Variants in STK33 observed in about 807,000 individuals in gnomAD.
STK33 encodes serine/threonine kinase 33.
Under a neutral mutation model 58.0 loss-of-function variants are expected in STK33, and 52 were observed. The observed-to-expected ratio is 0.90, with a 90% CI of 0.72 to 1.13. The LOEUF is 1.13. Among genes scored for constraint, STK33 ranks in the 50% most tolerant of loss-of-function variants. The pLI, the probability that STK33 is intolerant of heterozygous loss-of-function variation, is 0.00. For synonymous variants in STK33, 215 were observed against 200.1 expected, an observed-to-expected ratio of 1.07 and a Z score of -0.63; for missense variants, 630 against 604.2, an observed-to-expected ratio of 1.04 and a Z score of -0.45.
chr11:8,449,257 A>T (rs139267897), intron 11 of STK33, among the ~76,000 whole-genome samples: 9,390 of 151,538 alleles, frequency 0.062, 783 homozygotes, highest in African/African-American at 0.16. Flanking sequence ...TAGAAATACC[A>T]TTTGACCCAG....
At chr11:8,411,416 A>T (rs1940220419) in intron 15 of STK33, among the ~76,000 whole-genome samples, 1 of 152,226 alleles carries the variant, frequency 6.6e-6, no homozygotes. Flanking sequence ...GAACTAAGGG[A>T]CCATTATTTA....
intron 14 of STK33, among the ~76,000 whole-genome samples, chr11:8,426,145 A>G (rs915679439): frequency 6.6e-5 from 10 of 152,170 alleles, no homozygotes; most frequent in African/African-American, 2.4e-4. Flanking sequence ...AATGAGTCCA[A>G]GGTTTTATTG....
intron 1 of STK33, among the ~76,000 whole-genome samples, chr11:8,590,889 G>C (rs944777972): frequency 1.3e-5 from 2 of 152,080 alleles, no homozygotes; most frequent in Non-Finnish European, 2.9e-5. Flanking sequence ...TGCCAAAAAA[G>C]TCAGCAATTA....
At chr11:8,571,692 G>A (rs1957817542) in intron 1 of STK33, among the ~76,000 whole-genome samples, 1 of 151,784 alleles carries the variant, frequency 6.6e-6, no homozygotes, top group Non-Finnish European at 1.5e-5. Context: ...AATTAGCCAG[G>A]CGTGGTGGCG....
In STK33 at chr11:8,402,130, G is replaced by T. The variant is rs1158762063; in HGVS notation, c.1345-9420C>A. Reference sequence around the variant, plus strand: ...CCCATTACTTGGTATATACCCAAAGGATTATAAATCATGCTGCTATAAAGA... The same window carrying T: ...CCCATTACTTGGTATATACCCAAAGTATTATAAATCATGCTGCTATAAAGA... On this transcript the variant is annotated intron_variant, in intron 15 of 15. Transcript: ENST00000687296. Among the ~76,000 whole-genome samples, 9 of 152,260 alleles carry T rather than the reference G, an allele frequency of 5.9e-5. No individual in the cohort carries two copies. The East Asian group carries it at 1.7e-3, about 29-fold the overall frequency.
At chr11:8,495,815 G>A (rs747824964) in intron 1 of STK33, among the ~76,000 whole-genome samples, 3 of 152,082 alleles carry the variant, frequency 2.0e-5, no homozygotes, top group Non-Finnish European at 4.4e-5. Flanking sequence ...GGATGAAGCT[G>A]AAAACCATCA....
At chr11:8,426,577 C>T (rs956846321) in intron 14 of STK33, among the ~76,000 whole-genome samples, 4 of 152,208 alleles carry the variant, frequency 2.6e-5, no homozygotes, top group Non-Finnish European at 5.9e-5. Flanking sequence ...CGTGAGCCAC[C>T]ATGCCCAGCC....
Position 8,477,559 on chromosome 11 carries a change from C to T in STK33, c.-260-276G>A, listed in dbSNP as rs369630486. On this transcript the variant is annotated intron_variant, in intron 2 of 15. Transcript: ENST00000687296. Reference sequence around the variant, plus strand: ...TGCAGCTGAGTTCTTTCATGATAAACAGTACTCCTAAAAGCATACTTACCA... The same window carrying T: ...TGCAGCTGAGTTCTTTCATGATAAATAGTACTCCTAAAAGCATACTTACCA... Among the ~76,000 whole-genome samples, 17 of 152,228 alleles carry T rather than the reference C, an allele frequency of 1.1e-4. 1 individual carries two copies. The highest frequency in any genetic ancestry group is 3.9e-4 in the African/African-American group (16 of 41,546).
intron 14 of STK33, among the ~76,000 whole-genome samples, chr11:8,435,235 T>C (rs910934858): frequency 2.6e-5 from 4 of 152,188 alleles, no homozygotes; most frequent in Non-Finnish European, 4.4e-5. Flanking sequence ...TCAGCTCTGT[T>C]CTATTGGACA....
the STK33 span, among the ~76,000 whole-genome samples, chr11:8,379,603 C>T: frequency 2.6e-4 from 40 of 152,282 alleles, no homozygotes; most frequent in African/African-American, 8.9e-4. Flanking sequence ...TACCACATTA[C>T]TCTTGAAGAA....
the STK33 span, among the ~76,000 whole-genome samples, chr11:8,356,566 T>C: frequency 1.3e-5 from 2 of 151,184 alleles, no homozygotes; most frequent in Admixed American, 6.6e-5. Context: ...TTAGGGCTGA[T>C]GGGGGCAGAT....
At chr11:8,592,447 CAA>C (rs2141635416) in intron 1 of STK33, among the ~76,000 whole-genome samples, 1 of 152,186 alleles carries the variant, frequency 6.6e-6, no homozygotes, top group East Asian at 1.9e-4. Context: ...GTGAAATTAG[CAA>C]AGTTTTTAAA....
Position 8,505,919 on chromosome 11 carries a change from G to A in STK33, c.-465-25305C>T, listed in dbSNP as rs572391379. Among the ~76,000 whole-genome samples the A allele has an allele frequency of 4.6e-5, 7 of 152,204 alleles. No homozygotes were observed. In the South Asian group the frequency reaches 6.2e-4, roughly 14 times the overall value. On this transcript the variant is annotated intron_variant, in intron 1 of 15. Coordinates refer to ENST00000687296, the MANE Select transcript of STK33 (RefSeq NM_001352389.2). The stretch of plus-strand genomic sequence containing the variant: ...GTTACGTTAAGCTCTGTTAGCCTTC[G>A]TTTACTTACACATAAAATGAAAAAA...
intron 1 of STK33, among the ~76,000 whole-genome samples, chr11:8,585,212 T>TTG (rs2141436308): frequency 8.1e-6 from 1 of 123,586 alleles, no homozygotes; most frequent in East Asian, 2.5e-4. Context: ...TGTGAGCCAC[T>TTG]GCACCCAGCA....
At position 8,406,142 on chromosome 11, in the gene STK33, C is replaced by CAAAA. The variant is rs59336494; in HGVS notation, c.1344+7349_1344+7352dup. 7.3e-4 allele frequency among the ~76,000 whole-genome samples: 69 copies of CAAAA among 94,680 alleles called. 4 individuals carry two copies. Among genetic ancestry groups the CAAAA allele is most frequent in the Admixed American group, 1.0e-3 (8 of 7,888 alleles). The allele number at this position is 94,680 out of a possible 152,430, so 62.1% of individuals were successfully genotyped here. ...TGGGTGACAGAGCGAGACTCCGTCT[C>CAAAA]AAAAAAAAAAAAAAAAAAAAAAAAA... On this transcript the variant is annotated intron_variant, in intron 15 of 15. Coordinates refer to ENST00000687296, the MANE Select transcript of STK33 (RefSeq NM_001352389.2).
At chr11:8,488,197 T>C (rs1486084462) in intron 1 of STK33, among the ~76,000 whole-genome samples, 1 of 152,204 alleles carries the variant, frequency 6.6e-6, no homozygotes, top group African/African-American at 2.4e-5. Flanking sequence ...TTCCCAGGGA[T>C]TTGTAATTGT....
chr11:8,335,259 G>A, the STK33 span, among the ~76,000 whole-genome samples: 42 of 152,262 alleles, frequency 2.8e-4, no homozygotes, highest in Non-Finnish European at 8.8e-5. Flanking sequence ...GAGTCCAGGC[G>A]GTCCTGGCTA....
intron 1 of STK33, among the ~76,000 whole-genome samples, chr11:8,547,300 C>T (rs762234441): frequency 8.5e-5 from 13 of 152,100 alleles, no homozygotes; most frequent in Admixed American, 1.3e-4. Flanking sequence ...CTGAAACCTC[C>T]GCCTCCCGGG....
intron 14 of STK33, among the ~76,000 whole-genome samples, chr11:8,418,840 A>C (rs921673764): frequency 1.2e-4 from 18 of 152,118 alleles, no homozygotes; most frequent in African/African-American, 3.9e-4. Context: ...TTCTCTAATA[A>C]TCAGTGATCT....
Sources: gnomAD v4.1 joint callset for allele counts (sites outside exome capture counted in the v4.1 genomes callset) on GRCh38, gnomAD v4.1.1 for gene constraint, MANE v1.5 for transcripts, NCBI Gene and HGNC (gene_info 2026-07-23, HGNC 2026-07-21) for gene names.